Variants in TRANK1 observed in about 807,000 individuals in gnomAD.
The protein encoded by TRANK1 is tetratricopeptide repeat and ankyrin repeat containing 1, also known as TPR and ankyrin repeat-containing protein 1.
In TRANK1, 198 loss-of-function variants were observed where a neutral mutation model predicts 266.0. The ratio of observed to expected loss-of-function variants is 0.74; its 90% CI spans 0.66 to 0.84. The LOEUF (loss-of-function observed/expected upper bound fraction) is 0.84. Among genes scored for constraint, TRANK1 ranks in the 40% least tolerant of loss-of-function variants. The probability of loss-of-function intolerance (pLI) is 0.00; values close to 1 mark genes in which losing one functional copy is unlikely to be tolerated. For missense variants in TRANK1, 3,326 were observed against 3,634.6 expected (o/e 0.92, Z 2.18); for synonymous variants, 1,396 against 1,384.1 (o/e 1.01, Z -0.19).
At position 36,834,775 on chromosome 3, in the gene TRANK1, T is replaced by C; in HGVS notation, c.5650A>G (p.Ile1884Val). ...CQEELFEEAAIAVEKYEEMLK... is the reference protein window; with the variant it reads ...CQEELFEEAAVAVEKYEEMLK... The stretch of plus-strand genomic sequence containing the variant: ...AAAACCACCTACTTTTCCACTGCAA[T>C]AGCAGCTTCTTCAAAAAGCTCCTCT... The change falls in exon 21 of 24, where the codon ATT (isoleucine) becomes GTT (valine). Residue 1884 changes from isoleucine (I) to valine (V), a missense_variant. Coordinates refer to ENST00000645898, the MANE Select transcript of TRANK1 (RefSeq NM_001329998.2). 6.2e-7 allele frequency: 1 copy of C among 1,612,268 alleles called. No individual in the cohort carries two copies.
At position 36,832,412 on chromosome 3, in the gene TRANK1, C is replaced by T. The variant is rs1202132382; in HGVS notation, c.7171G>A (p.Ala2391Thr). The change falls in exon 22 of 24, where the codon GCA becomes ACA. Residue 2391 changes from alanine (A) to threonine (T), a missense_variant. Ala to Thr is a moderately conservative substitution (Grantham distance 58). Transcript: ENST00000645898. ...ATATTTTCATCATCCCTGTTGGGTG[C>T]CAGCATGCCAAATTTCCCTTCTATT... The part of the protein sequence containing the change: ...KGIEGKFGML[A>T]PNRDDENMDK... The T allele has an allele frequency of 3.7e-6, 6 of 1,613,868 alleles. No homozygotes were observed. Among genetic ancestry groups the T allele is most frequent in the Middle Eastern group, 1.6e-4 (1 of 6,084 alleles).
At chr3:36,883,304 G>A (rs2079556351) in intron 8 of TRANK1, among the ~76,000 whole-genome samples, 1 of 151,804 alleles carries the variant, frequency 6.6e-6, no homozygotes, top group South Asian at 2.1e-4. Context: ...AAAAATAGTG[G>A]GGCATGGTAG....
At chr3:36,930,892 C>T (rs75114948) in intron 1 of TRANK1, among the ~76,000 whole-genome samples, 4,743 of 152,222 alleles carry the variant, frequency 0.031, 110 homozygotes, top group Middle Eastern at 0.044. Flanking sequence ...TTAAAACTCA[C>T]TGAGCAGTAA....
chr3:36,858,606 G>A, intron 12 of TRANK1, 112 bp downstream of exon 12: 1 of 1,275,076 alleles, frequency 7.8e-7, no homozygotes, highest in Non-Finnish European at 1.0e-6. Flanking sequence ...CAAGAAATGG[G>A]CCTTTTTCAG....
chr3:36,933,050 T>C (rs2080380859), intron 1 of TRANK1, among the ~76,000 whole-genome samples: 1 of 152,210 alleles, frequency 6.6e-6, no homozygotes, highest in South Asian at 2.1e-4. Context: ...TCTGTCTTTG[T>C]TACATGTCCA....
intron 2 of TRANK1, among the ~76,000 whole-genome samples, chr3:36,904,321 C>A (rs1182809667): frequency 1.3e-5 from 2 of 151,800 alleles, no homozygotes; most frequent in Non-Finnish European, 2.9e-5. Flanking sequence ...GAGTTCGAGA[C>A]CATCCTGGCC....
chr3:36,927,757 G>T (rs1442400916), intron 1 of TRANK1, among the ~76,000 whole-genome samples: 1 of 152,174 alleles, frequency 6.6e-6, no homozygotes, highest in Non-Finnish European at 1.5e-5. Context: ...TAAGCCAGAT[G>T]CAACATCTCA....
intron 8 of TRANK1, chr3:36,880,330 TG>T: frequency 2.5e-6 from 1 of 401,636 alleles, no homozygotes; most frequent in South Asian, 2.0e-5. Flanking sequence ...GATTCTCCAC[TG>T]CTGTCTGTGG....
At position 36,899,109 on chromosome 3, in the gene TRANK1, T is replaced by C; in HGVS notation, c.433A>G (p.Ser145Gly). The C allele has an allele frequency of 6.5e-7, 1 of 1,537,108 alleles. No individual in the cohort carries two copies. Residue 145 changes from serine (S) to glycine (G), a missense_variant and splice_region_variant, in exon 4 of 24, where the codon AGT (serine) becomes GGT (glycine). Ser to Gly is a moderately conservative substitution (Grantham distance 56, BLOSUM62 0). Transcript: ENST00000645898. ...FLVGVFTTMS[S>G]DSIVLQSFLP... The stretch of plus-strand genomic sequence containing the variant: ...AAAAGTCTCCCCAGTTCCAACTTAC[T>C]GCTCATAGTGGTGAAGACTCCAACA...
At chr3:36,906,154 T>C (rs2079964328) in intron 2 of TRANK1, among the ~76,000 whole-genome samples, 1 of 152,210 alleles carries the variant, frequency 6.6e-6, no homozygotes, top group African/African-American at 2.4e-5. Context: ...TTCTGATATG[T>C]ACCAGGACAA....
chr3:36,866,449 G>C (rs537645805), intron 9 of TRANK1, among the ~76,000 whole-genome samples: 1 of 152,356 alleles, frequency 6.6e-6, no homozygotes, highest in South Asian at 2.1e-4. Context: ...AGGAAGACCA[G>C]TAGGTGAGTG....
intron 1 of TRANK1, among the ~76,000 whole-genome samples, chr3:36,920,344 C>T (rs1448840112): frequency 6.6e-6 from 1 of 152,124 alleles, no homozygotes; most frequent in Non-Finnish European, 1.5e-5. Context: ...CTCACTGAGT[C>T]CCAGATTTGT....
At chr3:36,869,271 C>T (rs2079271228) in intron 9 of TRANK1, among the ~76,000 whole-genome samples, 1 of 152,198 alleles carries the variant, frequency 6.6e-6, no homozygotes, top group South Asian at 2.1e-4. Flanking sequence ...GTTTAGAGAA[C>T]AGCAGAAATC....
At chr3:36,879,959 AAC>A in intron 8 of TRANK1, among the ~76,000 whole-genome samples, 1 of 10,024 alleles carries the variant, frequency 1.0e-4, no homozygotes, top group Non-Finnish European at 1.5e-4. Context: ...AATATATGTA[AAC>A]ATGCAAATAT....
intron 9 of TRANK1, among the ~76,000 whole-genome samples, chr3:36,872,297 A>T (rs2079320893): frequency 6.6e-6 from 1 of 152,206 alleles, no homozygotes; most frequent in Non-Finnish European, 1.5e-5. Flanking sequence ...ATGACTTGGG[A>T]GGCTGAGGCA....
upstream of TRANK1, among the ~76,000 whole-genome samples, chr3:36,945,532 T>G (rs1266571974): frequency 2.6e-5 from 4 of 152,148 alleles, no homozygotes; most frequent in Non-Finnish European, 5.9e-5. Context: ...GACCGCGGGC[T>G]GCTCCACGCT....
chr3:36,838,549 C>G, intron 19 of TRANK1, 45 bp from the exon 20 acceptor site: 2 of 1,613,958 alleles, frequency 1.2e-6, no homozygotes, highest in Non-Finnish European at 8.5e-7. Flanking sequence ...AACATTGACC[C>G]TACACCAATA....
rs751456349 is a variant in TRANK1, at chr3:36,857,799, C to T, written c.1923G>A (p.Leu641=). The change falls in exon 13 of 24, where the codon CTG becomes CTA. Residue 641 remains leucine, a synonymous_variant. Coordinates refer to ENST00000645898, the MANE Select transcript of TRANK1 (RefSeq NM_001329998.2). This position sits in a 1 kb window ranked among gnomAD's most constrained non-coding sequence, Gnocchi z 4.3. ...TCAGAGCTTTGTTCCAGGCCAAGAG[C>T]AGAGAGTCGTTCTTCTTAATCCGGT... ...ARHRIKKNDS[L]LLAWNKALME... 4 of 1,614,014 alleles carry T rather than the reference C, an allele frequency of 2.5e-6. No homozygotes were observed. Among genetic ancestry groups the T allele is most frequent in the Non-Finnish European group, 3.4e-6 (4 of 1,179,902 alleles).
chr3:36,844,747 TAG>T lies in TRANK1; in HGVS notation c.5191+1499_5191+1500del, dbSNP rs372356563. On this transcript the variant is annotated intron_variant, in intron 17 of 23. Coordinates refer to ENST00000645898, the MANE Select transcript of TRANK1 (RefSeq NM_001329998.2). Reference sequence around the variant, plus strand: ...TAGCCTTTGACTTTTCCCATCACAATAGTCAAGTCTTAGGATAAGAAATCTAA... The same window carrying T: ...TAGCCTTTGACTTTTCCCATCACAATTCAAGTCTTAGGATAAGAAATCTAA... Among the ~76,000 whole-genome samples, 82 of 152,238 alleles carry T rather than the reference TAG, an allele frequency of 5.4e-4. 1 individual carries two copies. The highest frequency in any genetic ancestry group is 1.9e-3 in the African/African-American group (79 of 41,536).
Sources: gnomAD v4.1 joint callset for allele counts (sites outside exome capture counted in the v4.1 genomes callset) on GRCh38, gnomAD v4.1.1 for gene constraint, Gnocchi (gnomAD v3.1) non-coding constraint, MANE v1.5 for transcripts, NCBI Gene and HGNC (gene_info 2026-07-23, HGNC 2026-07-21) for gene names.